Variants in CBLB observed in about 807,000 individuals in gnomAD.
CBLB encodes the protein E3 ubiquitin-protein ligase CBL-B.
In CBLB, 31 loss-of-function variants were observed where a neutral mutation model predicts 104.9. The observed-to-expected ratio is 0.30, with a 90% CI of 0.22 to 0.40. CBLB has a LOEUF of 0.40. Ranked by LOEUF, CBLB falls within the 10% of genes least tolerant of loss-of-function variation. The pLI, the probability that CBLB is intolerant of heterozygous loss-of-function variation, is 1.00. For synonymous variants in CBLB, 440 were observed against 422.6 expected (o/e 1.04, Z -0.51); for missense variants, 1,062 against 1,214.6 (o/e 0.87, Z 1.87).
chr3:105,791,262 T>C (rs1018341728), intron 3 of CBLB, among the ~76,000 whole-genome samples: 1 of 152,176 alleles, frequency 6.6e-6, no homozygotes, highest in South Asian at 2.1e-4. Flanking sequence ...GAAGCAGATG[T>C]TCTACTTTGG....
intron 12 of CBLB, among the ~76,000 whole-genome samples, chr3:105,696,059 T>C (rs987238463): frequency 2.0e-5 from 3 of 151,592 alleles, no homozygotes; most frequent in Admixed American, 1.3e-4. Context: ...TACACATACA[T>C]ATATATACAT....
chr3:105,744,701 G>A (rs748779836), intron 6 of CBLB, among the ~76,000 whole-genome samples: 1 of 152,164 alleles, frequency 6.6e-6, no homozygotes, highest in Non-Finnish European at 1.5e-5. Flanking sequence ...GGAGACCAAG[G>A]TGGGCAGATC....
chr3:105,847,932 T>C (rs891943502), intron 3 of CBLB, among the ~76,000 whole-genome samples: 5 of 152,158 alleles, frequency 3.3e-5, no homozygotes, highest in Non-Finnish European at 7.4e-5. Context: ...ACTAAAACTT[T>C]AAGTAATATA....
chr3:105,831,358 C>T (rs1444535700), intron 3 of CBLB, among the ~76,000 whole-genome samples: 1 of 152,180 alleles, frequency 6.6e-6, no homozygotes, highest in African/African-American at 2.4e-5. Flanking sequence ...TACATTTCCC[C>T]ATTGAAAGGA....
intron 3 of CBLB, among the ~76,000 whole-genome samples, chr3:105,850,172 A>C (rs933396651): frequency 2.6e-5 from 4 of 152,132 alleles, no homozygotes; most frequent in Non-Finnish European, 5.9e-5. Context: ...GTCTACGAGT[A>C]TGTTTGGGTT....
intron 3 of CBLB, among the ~76,000 whole-genome samples, chr3:105,825,208 A>AG (rs1418623191): frequency 3.9e-5 from 6 of 152,196 alleles, no homozygotes; most frequent in Non-Finnish European, 7.3e-5. Context: ...GATGAAAAAA[A>AG]GAAATCAATC....
In CBLB at chr3:105,657,237, C is replaced by A. The variant is rs541326718; in HGVS notation, c.*1733G>T. The stretch of plus-strand genomic sequence containing the variant: ...GTCTTTTGTATAACATTAATTTCCA[C>A]CAGATCTACTAGATGTTCAGTCATG... On this transcript the variant is annotated 3_prime_UTR_variant, in exon 19 of 19. Transcript: ENST00000394030. 6 of 221,054 alleles carry A rather than the reference C, an allele frequency of 2.7e-5. No homozygotes were observed. Among genetic ancestry groups the A allele is most frequent in the Admixed American group, 1.2e-4 (2 of 17,366 alleles). The allele number at this position is 221,054 out of a possible 1,614,324, so 13.7% of individuals were successfully genotyped here.
At position 105,707,373 on chromosome 3, in the gene CBLB, GA is replaced by G. The variant is rs933475406; in HGVS notation, c.1408-3201del. 1.7e-3 allele frequency among the ~76,000 whole-genome samples: 254 copies of G among 151,858 alleles called. 1 individual carries two copies. The highest frequency in any genetic ancestry group is 4.5e-3 in the African/African-American group (188 of 41,486). ...AAGGATTTTATGGAGAGTATGTGAAGAAAAAAAATATCTTTCATCTTTATTG... is the reference window on the plus strand; with the variant it reads ...AAGGATTTTATGGAGAGTATGTGAAGAAAAAAATATCTTTCATCTTTATTG... On this transcript the variant is annotated intron_variant, in intron 10 of 18. Coordinates refer to ENST00000394030, the MANE Select transcript of CBLB (RefSeq NM_170662.5).
chr3:105,712,557 C>T (rs2071264395), intron 10 of CBLB, among the ~76,000 whole-genome samples: 1 of 152,200 alleles, frequency 6.6e-6, no homozygotes, highest in Admixed American at 6.5e-5. Flanking sequence ...CTGGTTGGAA[C>T]AAGCAATTGC....
chr3:105,714,548 A>ATTTTG, intron 10 of CBLB, among the ~76,000 whole-genome samples: 1 of 152,260 alleles, frequency 6.6e-6, no homozygotes. Flanking sequence ...TGCAGTTCAA[A>ATTTTG]ATAGAGTTCA....
chr3:105,846,559 G>T (rs2090280139), intron 3 of CBLB, among the ~76,000 whole-genome samples: 1 of 152,084 alleles, frequency 6.6e-6, no homozygotes, highest in Non-Finnish European at 1.5e-5. Flanking sequence ...ACATTGAAAT[G>T]TCTGAGGTGA....
chr3:105,809,092 A>G (rs991108851), intron 3 of CBLB, among the ~76,000 whole-genome samples: 4 of 152,218 alleles, frequency 2.6e-5, no homozygotes, highest in Admixed American at 2.6e-4. Flanking sequence ...GTGAATGTAT[A>G]GAAAGATATC....
At chr3:105,702,494 A>AAAAAAAAAAAAAAAT in intron 11 of CBLB, 35 bp from the exon 12 acceptor site, 1 of 1,476,960 alleles carries the variant, frequency 6.8e-7, no homozygotes, top group South Asian at 1.3e-5. Context: ...AAAAAAAAAA[A>AAAAAAAAAAAAAAAT]AAAAACTAAA....
chr3:105,701,973 TAAAG>T, intron 12 of CBLB, 117 bp downstream of exon 12: 1 of 1,027,368 alleles, frequency 9.7e-7, no homozygotes, highest in Non-Finnish European at 1.5e-6. Context: ...TGGGGATAAT[TAAAG>T]ACTTACAGGG....
chr3:105,781,097 C>T (rs1253989712), intron 3 of CBLB, among the ~76,000 whole-genome samples: 1 of 151,932 alleles, frequency 6.6e-6, no homozygotes. Context: ...GAATAAAAAC[C>T]AAGGAGGGAG....
chr3:105,777,361 G>A (rs565824922), intron 3 of CBLB, among the ~76,000 whole-genome samples: 1 of 152,324 alleles, frequency 6.6e-6, no homozygotes, highest in East Asian at 1.9e-4. Flanking sequence ...GTCAGGCTAG[G>A]TGTGGTGACT....
chr3:105,742,753 T>C (rs1198054692), intron 6 of CBLB, among the ~76,000 whole-genome samples: 3 of 152,216 alleles, frequency 2.0e-5, no homozygotes, highest in Non-Finnish European at 4.4e-5. Context: ...GTTTACAGTG[T>C]ATTAACATGA....
chr3:105,699,740 A>G (rs531163464), intron 12 of CBLB, among the ~76,000 whole-genome samples: 1 of 152,290 alleles, frequency 6.6e-6, no homozygotes, highest in South Asian at 2.1e-4. Context: ...ATAAAAGAGG[A>G]GACATGGTCT....
intron 17 of CBLB, among the ~76,000 whole-genome samples, chr3:105,677,803 A>G (rs1421970289): frequency 6.7e-6 from 1 of 148,648 alleles, no homozygotes; most frequent in African/African-American, 2.4e-5. Flanking sequence ...TATTAAACAA[A>G]TAATATTATA....
Sources: gnomAD v4.1 joint callset for allele counts (sites outside exome capture counted in the v4.1 genomes callset) on GRCh38, gnomAD v4.1.1 for gene constraint, MANE v1.5 for transcripts, NCBI Gene and HGNC (gene_info 2026-07-23, HGNC 2026-07-21) for gene names.